RAB3GAP1: variants seen among roughly 807,000 people sequenced by gnomAD.
The protein encoded by RAB3GAP1 is rab3 GTPase-activating protein catalytic subunit.
RAB3GAP1 carries 86 observed loss-of-function variants against 130.7 expected under a neutral mutation model. That is an observed-to-expected ratio of 0.66 (90% confidence interval 0.55 to 0.79). The LOEUF (loss-of-function observed/expected upper bound fraction) is 0.79. RAB3GAP1 is among the 30% of genes least tolerant of loss of function. The pLI is 0.00. For synonymous variants in RAB3GAP1, 367 were observed against 401.7 expected, an observed-to-expected ratio of 0.91 and a Z score of 1.03; for missense variants, 1,029 against 1,169.4, an observed-to-expected ratio of 0.88 and a Z score of 1.75.
chr2:135,071,130 G>A lies in RAB3GAP1; in HGVS notation c.150+13044G>A, dbSNP rs1689462051. Among the ~76,000 whole-genome samples the A allele has an allele frequency of 3.9e-5, 6 of 152,190 alleles. No homozygotes were observed. The South Asian group carries it at 1.2e-3, about 32-fold the overall frequency. ...CACATACAGGACTGGTAGTTTTTAA[G>A]TTGGTGAAATTTGTCCTTGATACCC... On this transcript the variant is annotated intron_variant, in intron 3 of 23. Transcript: ENST00000264158.
At chr2:135,164,961 G>A (rs1425840907) in intron 23 of RAB3GAP1, among the ~76,000 whole-genome samples, 2 of 152,166 alleles carry the variant, frequency 1.3e-5, no homozygotes, top group African/African-American at 2.4e-5. Flanking sequence ...TATAGAAGCT[G>A]GCAGGGAGTC....
Position 135,153,839 on chromosome 2 carries a change from A to G in RAB3GAP1, c.2252A>G (p.Gln751Arg). The G allele has an allele frequency of 6.2e-7, 1 of 1,614,044 alleles. No homozygotes were observed. The highest frequency in any genetic ancestry group is 8.5e-7 in the Non-Finnish European group (1 of 1,179,908). ...ETAKPIPARR[Q>R]RRLFDDTREA... The stretch of plus-strand genomic sequence containing the variant: ...GCTAAGCCAATTCCTGCTAGAAGGC[A>G]AAGGAGACTCTTTGATGATACACGG... The change falls in exon 19 of 24, where the codon CAA becomes CGA. Residue 751 changes from glutamine (Q) to arginine (R), a missense_variant. Gln to Arg is a conservative substitution (Grantham distance 43). This residue lies in a region of RAB3GAP1 where 373 missense variants were observed against 493.6 expected (regional missense o/e 0.76). Coordinates refer to ENST00000264158, the MANE Select transcript of RAB3GAP1 (RefSeq NM_012233.3).
At chr2:135,155,849 GGA>G (rs1369484553) in intron 19 of RAB3GAP1, among the ~76,000 whole-genome samples, 2 of 152,022 alleles carry the variant, frequency 1.3e-5, no homozygotes, top group Non-Finnish European at 2.9e-5. Flanking sequence ...CAAATGAAAA[GGA>G]GAGAGTGTAG....
chr2:135,142,528 A>T (rs530440236), intron 17 of RAB3GAP1, among the ~76,000 whole-genome samples: 2 of 152,202 alleles, frequency 1.3e-5, no homozygotes, highest in Admixed American at 6.5e-5. Context: ...TTCTTATCTT[A>T]TTGCAGTGGC....
intron 5 of RAB3GAP1, among the ~76,000 whole-genome samples, chr2:135,108,680 A>C (rs1329513522): frequency 6.6e-6 from 1 of 152,022 alleles, no homozygotes; most frequent in Non-Finnish European, 1.5e-5. Flanking sequence ...CAGAGCAAAA[A>C]TTTTTAATTT....
At chr2:135,150,531 G>T in intron 18 of RAB3GAP1, 25 bp downstream of exon 18, 1 of 1,613,370 alleles carries the variant, frequency 6.2e-7, no homozygotes, top group Non-Finnish European at 8.5e-7. Flanking sequence ...CAGAGCTCTG[G>T]GGTCTATTTT....
chr2:135,124,385 G>GTGCCCAGCCCAGGTGTAC, intron 9 of RAB3GAP1, 139 bp downstream of exon 9: 1 of 956,290 alleles, frequency 1.0e-6, no homozygotes, highest in Non-Finnish European at 1.6e-6. Context: ...ACGTACACCT[G>GTGCCCAGCCCAGGTGTAC]GGCTGGGCAC....
chr2:135,091,563 A>G (rs1056078296), intron 4 of RAB3GAP1, among the ~76,000 whole-genome samples: 9 of 152,310 alleles, frequency 5.9e-5, no homozygotes, highest in African/African-American at 2.2e-4. Context: ...TCTGTTGATT[A>G]GAGGGTAGTA....
chr2:135,069,847 A>T (rs1574081555), intron 3 of RAB3GAP1, among the ~76,000 whole-genome samples: 1 of 152,178 alleles, frequency 6.6e-6, no homozygotes, highest in South Asian at 2.1e-4. Context: ...CAGTCATTTT[A>T]TCTCAGCTGT....
intron 3 of RAB3GAP1, among the ~76,000 whole-genome samples, chr2:135,085,070 A>G (rs577549351): frequency 5.3e-5 from 8 of 152,300 alleles, no homozygotes; most frequent in Non-Finnish European, 7.4e-5. Flanking sequence ...GTTAGGCATA[A>G]TTGTAATACA....
chr2:135,065,847 T>C (rs1438612279), intron 3 of RAB3GAP1, among the ~76,000 whole-genome samples: 2 of 148,966 alleles, frequency 1.3e-5, no homozygotes, highest in African/African-American at 5.0e-5. Context: ...CTCGGCTCAC[T>C]GCAACCTTTG....
intron 19 of RAB3GAP1, among the ~76,000 whole-genome samples, 194 bp downstream of exon 19, chr2:135,154,070 G>A (rs1437860629): frequency 6.6e-6 from 1 of 152,158 alleles, no homozygotes; most frequent in East Asian, 1.9e-4. Flanking sequence ...TAATAGGCAT[G>A]CATAGTTTAA....
chr2:135,117,959 C>T (rs1353396305), intron 7 of RAB3GAP1, among the ~76,000 whole-genome samples: 1 of 151,864 alleles, frequency 6.6e-6, no homozygotes, highest in East Asian at 1.9e-4. Context: ...GTCACTGACT[C>T]CTCCCACCTC....
At chr2:135,132,057 G>A (rs1232564392) in intron 13 of RAB3GAP1, among the ~76,000 whole-genome samples, 2 of 152,190 alleles carry the variant, frequency 1.3e-5, no homozygotes, top group Non-Finnish European at 2.9e-5. Context: ...ATGAGAATAG[G>A]ATAATGCTGG....
intron 13 of RAB3GAP1, among the ~76,000 whole-genome samples, chr2:135,130,963 C>T (rs891344466): frequency 6.6e-6 from 1 of 152,194 alleles, no homozygotes; most frequent in Non-Finnish European, 1.5e-5. Flanking sequence ...GCATTTGTCT[C>T]TGTCTGGGCA....
chr2:135,117,456 G>GCTTCTTCTTCTTCTTCTTCTTCTT (rs1691010625), intron 7 of RAB3GAP1, among the ~76,000 whole-genome samples: 1 of 41,848 alleles, frequency 2.4e-5, no homozygotes. Flanking sequence ...TTCTTCTTCT[G>GCTTCTTCTTCTTCTTCTTCTTCTT]CTTCTGCTTC....
chr2:135,162,901 CA>C, intron 21 of RAB3GAP1, 50 bp downstream of exon 21: 1 of 1,580,520 alleles, frequency 6.3e-7, no homozygotes, highest in Non-Finnish European at 8.7e-7. Context: ...CCTCAGTTGG[CA>C]AAAATAATTT....
intron 19 of RAB3GAP1, among the ~76,000 whole-genome samples, chr2:135,157,933 G>A (rs1692360961): frequency 6.6e-6 from 1 of 151,866 alleles, no homozygotes; most frequent in South Asian, 2.1e-4. Context: ...TCTTTTAGAT[G>A]TATTATTGGT....
In RAB3GAP1 at chr2:135,120,871, A is replaced by C; in HGVS notation, c.701A>C (p.Tyr234Ser). 4.3e-6 allele frequency: 7 copies of C among 1,613,418 alleles called. No individual in the cohort carries two copies. The highest frequency in any genetic ancestry group is 5.1e-6 in the Non-Finnish European group (6 of 1,179,404). ...PPVSIAIRFT[Y>S]VLQDWQQYFW... Reference sequence around the variant, plus strand: ...GTTAGTATTGCTATTCGATTTACCTATGTACTTCAAGATTGGCAGCAGTAT... The same window carrying C: ...GTTAGTATTGCTATTCGATTTACCTCTGTACTTCAAGATTGGCAGCAGTAT... The change falls in exon 8 of 24, where the codon TAT (tyrosine) becomes TCT (serine). Residue 234 changes from tyrosine (Y) to serine (S), a missense_variant. By Grantham distance (144) the Tyr-to-Ser change is moderately radical. This residue lies in a region of RAB3GAP1 where 510 missense variants were observed against 532.1 expected (regional missense o/e 0.96). Transcript: ENST00000264158.
Sources: allele counts gnomAD v4.1 joint callset (sites outside exome capture counted in the v4.1 genomes callset), GRCh38; gene constraint gnomAD v4.1.1; regional missense constraint gnomAD v4.1.1; transcripts MANE v1.5; gene names NCBI Gene and HGNC (gene_info 2026-07-23, HGNC 2026-07-21).